MROH1: variants seen among roughly 807,000 people sequenced by gnomAD.
MROH1 encodes the protein maestro heat-like repeat-containing protein family member 1.
MROH1 carries 117 observed loss-of-function variants against 116.5 expected under a neutral mutation model. That is an observed-to-expected ratio of 1.00 (90% confidence interval 0.86 to 1.17). The LOEUF (loss-of-function observed/expected upper bound fraction) is 1.17, where lower values mean the gene tolerates loss of function less well. Among genes scored for constraint, MROH1 ranks in the 50% most tolerant of loss-of-function variants. The pLI, the probability that MROH1 is intolerant of heterozygous loss-of-function variation, is 0.00. For missense variants in MROH1, 1,873 were observed against 1,338.5 expected (o/e 1.40, Z -6.23); for synonymous variants, 921 against 583.9 (o/e 1.58, Z -8.32).
chr8:144,189,033 C>T (rs1031927990), intron 7 of MROH1, among the ~76,000 whole-genome samples: 1 of 152,220 alleles, frequency 6.6e-6, no homozygotes, highest in African/African-American at 2.4e-5. Context: ...GCGGTGTTAT[C>T]TCACATTAAG....
At chr8:144,149,233 G>A (rs1248583141) in intron 1 of MROH1, among the ~76,000 whole-genome samples, 1 of 152,210 alleles carries the variant, frequency 6.6e-6, no homozygotes, top group African/African-American at 2.4e-5. Context: ...ACCCTAGGGT[G>A]CTGCCGTCAG....
chr8:144,258,561 C>G (rs905279740), intron 35 of MROH1, among the ~76,000 whole-genome samples: 2 of 152,226 alleles, frequency 1.3e-5, no homozygotes, highest in Non-Finnish European at 2.9e-5. Flanking sequence ...TTGCTACTAG[C>G]TCACCTCCAA....
intron 1 of MROH1, among the ~76,000 whole-genome samples, chr8:144,150,869 G>A (rs927182464): frequency 1.3e-5 from 2 of 152,150 alleles, no homozygotes; most frequent in African/African-American, 4.8e-5. Context: ...CCTAGATGAG[G>A]ACAGGCACTC....
intron 12 of MROH1, among the ~76,000 whole-genome samples, chr8:144,218,036 G>C (rs1453661833): frequency 2.8e-5 from 4 of 140,370 alleles, no homozygotes; most frequent in Middle Eastern, 3.7e-3. Context: ...GGCTGCGTTA[G>C]TGGCCCAGGA....
In MROH1 at chr8:144,255,789, C is replaced by T. The variant is rs989994598; in HGVS notation, c.3791+84C>T. On this transcript the variant is annotated intron_variant, in intron 35 of 43. Transcript: ENST00000326134. ...GCACGCGCGTGGTGGGGGCGGACGG[C>T]AGATCTGAACCACGGGGAGTGTGGG... 13 of 677,234 alleles carry T rather than the reference C, an allele frequency of 1.9e-5. No individual in the cohort carries two copies. The African/African-American group carries it at 2.3e-4, about 12-fold the overall frequency. 42.0% of individuals were successfully genotyped at this position (677,234 alleles called of 1,614,324 possible). A position where few individuals can be genotyped will look rare whatever the true frequency, so the allele number is the denominator to read the frequency against.
intron 14 of MROH1, among the ~76,000 whole-genome samples, chr8:144,230,272 G>T (rs148079762): frequency 6.6e-6 from 1 of 152,256 alleles, no homozygotes; most frequent in African/African-American, 2.4e-5. Flanking sequence ...CGGCTTAAGG[G>T]AATGTTTGGC....
chr8:144,170,770 T>C (rs537689900), intron 4 of MROH1, among the ~76,000 whole-genome samples: 1 of 152,338 alleles, frequency 6.6e-6, no homozygotes, highest in South Asian at 2.1e-4. Context: ...GCATGCCACC[T>C]GTGCCACCAA....
intron 14 of MROH1, among the ~76,000 whole-genome samples, chr8:144,234,176 A>AT (rs1554823772): frequency 6.6e-6 from 1 of 151,928 alleles, no homozygotes; most frequent in African/African-American, 2.4e-5. Context: ...CGCCCCGCTA[A>AT]TTTTTTGTAT....
At chr8:144,261,505 A>G (rs78778738) in intron 43 of MROH1, 150 bp from the exon 44 acceptor site, 312,490 of 690,948 alleles carry the variant, frequency 0.45, 75,512 homozygotes, top group East Asian at 0.7. Flanking sequence ...ACTGTTCCAA[A>G]AGAGCTTAAA....
intron 1 of MROH1, among the ~76,000 whole-genome samples, chr8:144,159,831 G>A (rs528286234): frequency 4.1e-5 from 6 of 147,740 alleles, no homozygotes; most frequent in Non-Finnish European, 5.9e-5. Context: ...GCAGTGGTGC[G>A]ATCTTGGCTC....
At chr8:144,158,519 T>G (rs1021804997) in intron 1 of MROH1, among the ~76,000 whole-genome samples, 4 of 152,234 alleles carry the variant, frequency 2.6e-5, no homozygotes, top group African/African-American at 9.6e-5. Context: ...AGACATTTAG[T>G]GCTATAAGTT....
chr8:144,170,807 C>T (rs1587852750), intron 4 of MROH1, among the ~76,000 whole-genome samples: 1 of 152,348 alleles, frequency 6.6e-6, no homozygotes, highest in Non-Finnish European at 1.5e-5. Context: ...CGGTTTTAGA[C>T]ACATCCAGTC....
chr8:144,193,168 A>C (rs1157715047), intron 10 of MROH1: 1 of 158,738 alleles, frequency 6.3e-6, no homozygotes, highest in Non-Finnish European at 1.4e-5. Flanking sequence ...CAGAGCTAGT[A>C]AACATAATGT....
chr8:144,240,585 C>A lies in MROH1; in HGVS notation c.1843C>A (p.Leu615Met). 1 of 717,264 alleles carries A rather than the reference C, an allele frequency of 1.4e-6. No homozygotes were observed. The highest frequency in any genetic ancestry group is 2.6e-6 in the Non-Finnish European group (1 of 384,924). The allele number at this position is 717,264 out of a possible 1,614,324, so 44.4% of individuals were successfully genotyped here. A position where few individuals can be genotyped will look rare whatever the true frequency, so the allele number is the denominator to read the frequency against. ...TGGCCTGCAGTTCCTGCGAGACACC[C>A]TGGCCATCATTTCTGACAACGCGTG... The part of the protein sequence containing the change: ...EKLLMFLRDT[L>M]AIISDNAWIC... The change falls in exon 20 of 44, where the codon CTG becomes ATG. Residue 615 changes from leucine to methionine, a missense_variant. By Grantham distance (15) the Leu-to-Met change is conservative. Transcript: ENST00000326134.
At chr8:144,245,369 G>A in intron 29 of MROH1, 109 bp downstream of exon 29, 1 of 704,810 alleles carries the variant, frequency 1.4e-6, no homozygotes, top group South Asian at 1.5e-5. Context: ...TCAGGCCACA[G>A]TCCTCTTCCT....
chr8:144,261,872 G>A lies in MROH1; in HGVS notation c.*132G>A, dbSNP rs1048186298. On this transcript the variant is annotated 3_prime_UTR_variant, in exon 44 of 44. Coordinates refer to ENST00000326134, the MANE Select transcript of MROH1 (RefSeq NM_032450.3). The stretch of plus-strand genomic sequence containing the variant: ...TGGCCCCAGAACAGGCACTGCTGGG[G>A]ACCAAACCCAAGCCCTTCAGTGAGG... The A allele has an allele frequency of 1.5e-6, 1 of 682,138 alleles. No homozygotes were observed. Among genetic ancestry groups the A allele is most frequent in the Non-Finnish European group, 2.7e-6 (1 of 376,194 alleles). The allele number at this position is 682,138 out of a possible 1,614,324, so 42.3% of individuals were successfully genotyped here.
At chr8:144,254,538 C>T (rs896740257) in intron 33 of MROH1, 3 of 406,642 alleles carry the variant, frequency 7.4e-6, no homozygotes, top group Non-Finnish European at 1.3e-5. Context: ...CCAGTAGCTC[C>T]CCAGGGACCT....
In MROH1 at chr8:144,182,427, G is replaced by A. The variant is rs1344870037; in HGVS notation, c.562+1904G>A. Among the ~76,000 whole-genome samples, 2 of 152,306 alleles carry A rather than the reference G, an allele frequency of 1.3e-5. No individual in the cohort carries two copies. The highest frequency in any genetic ancestry group is 2.1e-4 in the South Asian group (1 of 4,826). ...ACAGACACTAATTGGAGATGTAGATGGTTCAGGGAGAAGAAAATAACAGAG... is the reference window on the plus strand; with the variant it reads ...ACAGACACTAATTGGAGATGTAGATAGTTCAGGGAGAAGAAAATAACAGAG... On this transcript the variant is annotated intron_variant, in intron 7 of 43. Transcript: ENST00000326134. The surrounding 1 kb of genome is among the most constrained non-coding windows in gnomAD (Gnocchi z 4.1).
chr8:144,242,040 A>C (rs984689536), intron 22 of MROH1, among the ~76,000 whole-genome samples: 1 of 152,172 alleles, frequency 6.6e-6, no homozygotes, highest in African/African-American at 2.4e-5. Context: ...TGGGGCCTTG[A>C]GCTCTTCTCA....
Sources: gnomAD v4.1 joint callset for allele counts (sites outside exome capture counted in the v4.1 genomes callset) on GRCh38, gnomAD v4.1.1 for gene constraint, Gnocchi (gnomAD v3.1) non-coding constraint, MANE v1.5 for transcripts, NCBI Gene and HGNC (gene_info 2026-07-23, HGNC 2026-07-21) for gene names.